APPL2: variants seen among roughly 807,000 people sequenced by gnomAD.
APPL2 encodes the protein adaptor protein, phosphotyrosine interacting with PH domain and leucine zipper 2.
In APPL2, 84 loss-of-function variants were observed where a neutral mutation model predicts 92.7. That is an observed-to-expected ratio of 0.91 (90% CI 0.76 to 1.09). APPL2 has a LOEUF of 1.09. Ranked by LOEUF, APPL2 falls within the 50% of genes least tolerant of loss-of-function variation. APPL2 has a pLI of 0.00. For synonymous variants in APPL2, 291 were observed against 291.0 expected, an observed-to-expected ratio of 1.00 and a Z score of 0.00; for missense variants, 736 against 824.5, an observed-to-expected ratio of 0.89 and a Z score of 1.31.
rs1887554763 is a variant in APPL2 at position 105,195,426 on chromosome 12, G to A, written c.1152+19C>T. On this transcript the variant is annotated intron_variant, in intron 13 of 20. Transcript: ENST00000258530. ...TCCAGGTTGAGAAAAGGGCTGAGATGCCGGTGGCTGATAATTACCTCAGGG... is the reference window on the plus strand; with the variant it reads ...TCCAGGTTGAGAAAAGGGCTGAGATACCGGTGGCTGATAATTACCTCAGGG... The A allele has an allele frequency of 6.2e-7, 1 of 1,614,052 alleles. No homozygotes were observed. The highest frequency in any genetic ancestry group is 8.5e-7 in the Non-Finnish European group (1 of 1,180,020).
intron 2 of APPL2, among the ~76,000 whole-genome samples, chr12:105,221,209 T>TG (rs1393242761): frequency 6.6e-6 from 1 of 152,208 alleles, no homozygotes; most frequent in African/African-American, 2.4e-5. Flanking sequence ...CAACAGGACT[T>TG]GCAAAACTGG....
intron 4 of APPL2, among the ~76,000 whole-genome samples, chr12:105,216,228 A>G (rs193061104): frequency 1.4e-4 from 22 of 152,284 alleles, no homozygotes; most frequent in Non-Finnish European, 2.8e-4. Flanking sequence ...AACCCTTTGT[A>G]GTAAGCTAGG....
At chr12:105,189,025 T>G (rs1473076348) in intron 16 of APPL2, among the ~76,000 whole-genome samples, 1 of 152,120 alleles carries the variant, frequency 6.6e-6, no homozygotes, top group Non-Finnish European at 1.5e-5. Context: ...TTTTTTCTTT[T>G]TTTTCTTTTT....
rs1885285915 is a variant in APPL2, at chr12:105,174,447, T to G, written c.1862A>C (p.Asp621Ala). ...CATTAATTGAGCCAGTGCTTCTGGA[T>G]CCTGAAGTTAGGAGAGTTTAAAAGG... ...LGKEIIEVQK[D>A]PEALAQLMLS... Residue 621 changes from aspartate (D) to alanine (A), a missense_variant and splice_region_variant, in exon 21 of 21, where the codon GAT (aspartate) becomes GCT (alanine). Coordinates refer to ENST00000258530, the MANE Select transcript of APPL2 (RefSeq NM_018171.5). 3 of 1,612,556 alleles carry G rather than the reference T, an allele frequency of 1.9e-6. No homozygotes were observed. Among genetic ancestry groups the G allele is most frequent in the Non-Finnish European group, 2.5e-6 (3 of 1,179,430 alleles).
chr12:105,192,395 A>G lies in APPL2; in HGVS notation c.1242-2240T>C, dbSNP rs533458766. On this transcript the variant is annotated intron_variant, in intron 14 of 20. Transcript: ENST00000258530. ...AGTGGGTATCTCTGTCTCCATCACAAACACGCACCTCTCAGAGCCCTTCCA... is the reference window on the plus strand; with the variant it reads ...AGTGGGTATCTCTGTCTCCATCACAGACACGCACCTCTCAGAGCCCTTCCA... Among the ~76,000 whole-genome samples the G allele has an allele frequency of 2.0e-5, 3 of 152,128 alleles. No individual in the cohort carries two copies. In the East Asian group the frequency reaches 5.8e-4, roughly 29 times the overall value.
intron 2 of APPL2, among the ~76,000 whole-genome samples, chr12:105,221,221 G>T (rs1288153153): frequency 6.6e-6 from 1 of 152,204 alleles, no homozygotes; most frequent in South Asian, 2.1e-4. Flanking sequence ...CAAAACTGGA[G>T]CCCGAGTGAG....
At chr12:105,227,288 A>C (rs1180042079) in intron 2 of APPL2, among the ~76,000 whole-genome samples, 1 of 152,110 alleles carries the variant, frequency 6.6e-6, no homozygotes, top group African/African-American at 2.4e-5. Context: ...GGCCAGCCCA[A>C]AGCTAGTTCT....
intron 1 of APPL2, chr12:105,233,354 A>C: frequency 1.0e-6 from 1 of 985,378 alleles, no homozygotes; most frequent in Non-Finnish European, 1.2e-6. Flanking sequence ...CTTCCCACAT[A>C]TGAGAGGTAA....
intron 14 of APPL2, among the ~76,000 whole-genome samples, chr12:105,191,189 C>T (rs1034207384): frequency 2.0e-5 from 3 of 152,108 alleles, no homozygotes; most frequent in Admixed American, 1.3e-4. Context: ...TGTAGATGGT[C>T]ACTGCAAGGC....
Position 105,174,876 on chromosome 12 carries a change from T to TGGG in APPL2, c.1861-431_1861-429dup, listed in dbSNP as rs59473626. On this transcript the variant is annotated intron_variant, in intron 20 of 20. Coordinates refer to ENST00000258530, the MANE Select transcript of APPL2 (RefSeq NM_018171.5). ...CCATGCTGCTGCTGCTTTTTTTTGG[T>TGGG]GGGGGGGGGGGTGGTGCGGCGGTTG... Among the ~76,000 whole-genome samples the TGGG allele has an allele frequency of 9.2e-3, 819 of 88,776 alleles. 51 individuals carry two copies. The highest frequency in any genetic ancestry group is 0.023 in the Admixed American group (191 of 8,288). 58.2% of individuals were successfully genotyped at this position (88,776 alleles called of 152,430 possible).
chr12:105,174,369 G>T lies in APPL2; in HGVS notation c.1940C>A (p.Pro647Gln). The T allele has an allele frequency of 6.2e-7, 1 of 1,613,964 alleles. No individual in the cohort carries two copies. Reference sequence around the variant, plus strand: ...GTTTGGATTTCCATCATCGTCATCTGGTTGATCGTTTAACAGTACATATTT... The same window carrying T: ...GTTTGGATTTCCATCATCGTCATCTTGTTGATCGTTTAACAGTACATATTT... ...DGKYVLLNDQPDDDDGNPNEH... is the reference protein window; with the variant it reads ...DGKYVLLNDQQDDDDGNPNEH... The change falls in exon 21 of 21, where the codon CCA becomes CAA. Residue 647 changes from proline (P) to glutamine (Q), a missense_variant. Pro to Gln is a moderately conservative substitution (Grantham distance 76, BLOSUM62 -1). Coordinates refer to ENST00000258530, the MANE Select transcript of APPL2 (RefSeq NM_018171.5).
chr12:105,228,873 A>T (rs1037782227), intron 2 of APPL2, among the ~76,000 whole-genome samples: 1 of 148,106 alleles, frequency 6.8e-6, no homozygotes, highest in Admixed American at 6.7e-5. Context: ...GGTTGAATTT[A>T]AAAAAAAAAA....
chr12:105,184,593 T>C (rs1886418058), intron 17 of APPL2, among the ~76,000 whole-genome samples: 1 of 152,162 alleles, frequency 6.6e-6, no homozygotes, highest in Non-Finnish European at 1.5e-5. Flanking sequence ...GGCTGCAGAA[T>C]AGCAAAGACT....
At chr12:105,196,721 G>C (rs557102651) in intron 11 of APPL2, among the ~76,000 whole-genome samples, 2 of 152,138 alleles carry the variant, frequency 1.3e-5, no homozygotes, top group Admixed American at 1.3e-4. Context: ...GATTATAGGC[G>C]TGAGCCACTG....
chr12:105,215,439 G>A (rs1445134212), intron 4 of APPL2, among the ~76,000 whole-genome samples: 2 of 152,240 alleles, frequency 1.3e-5, no homozygotes, highest in Admixed American at 1.3e-4. Context: ...TGTTTAGTAG[G>A]GTAGAGGACA....
chr12:105,224,929 T>C (rs1224646640), intron 2 of APPL2, among the ~76,000 whole-genome samples: 1 of 152,188 alleles, frequency 6.6e-6, no homozygotes, highest in Middle Eastern at 3.2e-3. Context: ...TCCCTCCCAC[T>C]GTCTTTACCC....
At chr12:105,189,413 C>A (rs1352554033) in intron 16 of APPL2, among the ~76,000 whole-genome samples, 3 of 152,176 alleles carry the variant, frequency 2.0e-5, no homozygotes, top group Non-Finnish European at 4.4e-5. Context: ...TTTGTGTCAT[C>A]TTCAAATTCA....
At chr12:105,188,497 T>C (rs763932081) in intron 16 of APPL2, 50 bp from the exon 17 acceptor site, 7 of 1,595,026 alleles carry the variant, frequency 4.4e-6, no homozygotes, top group South Asian at 1.1e-5. Flanking sequence ...CCTGCTGCTG[T>C]TGATCTGCAT....
chr12:105,174,102 G>C lies in APPL2; in HGVS notation c.*212C>G, dbSNP rs1468024144. ...TCTAAGAAAAAAGACTTACCACAAA[G>C]CACCTAAAATAACATTGTAGATGGG... On this transcript the variant is annotated 3_prime_UTR_variant, in exon 21 of 21. Transcript: ENST00000258530. The C allele has an allele frequency of 2.0e-6, 1 of 494,334 alleles. No homozygotes were observed. The highest frequency in any genetic ancestry group is 4.1e-5 in the Admixed American group (1 of 24,106). 30.6% of individuals were successfully genotyped at this position (494,334 alleles called of 1,614,324 possible).
Sources: gnomAD v4.1 joint callset for allele counts (sites outside exome capture counted in the v4.1 genomes callset) on GRCh38, gnomAD v4.1.1 for gene constraint, MANE v1.5 for transcripts, NCBI Gene and HGNC (gene_info 2026-07-23, HGNC 2026-07-21) for gene names.